Variants in NSUN2 observed in about 807,000 individuals in gnomAD.
NSUN2 encodes the protein NOP2/Sun RNA methyltransferase 2, also known as RNA cytosine C(5)-methyltransferase NSUN2.
Under a neutral mutation model 92.7 loss-of-function variants are expected in NSUN2, and 63 were observed. The ratio of observed to expected loss-of-function variants is 0.68; its 90% CI spans 0.56 to 0.84. The LOEUF is 0.84. NSUN2 is among the 40% of genes least tolerant of loss of function. The probability of loss-of-function intolerance (pLI) is 0.00; values close to 1 mark genes in which losing one functional copy is unlikely to be tolerated. For synonymous variants in NSUN2, 356 were observed against 348.3 expected, an observed-to-expected ratio of 1.02 and a Z score of -0.25; for missense variants, 989 against 964.9, an observed-to-expected ratio of 1.02 and a Z score of -0.33.
At position 6,607,288 on chromosome 5, in the gene NSUN2, G is replaced by A; in HGVS notation, c.1420C>T (p.Pro474Ser). 6.2e-7 allele frequency: 1 copy of A among 1,614,158 alleles called. No individual in the cohort carries two copies. The highest frequency in any genetic ancestry group is 8.5e-7 in the Non-Finnish European group (1 of 1,180,022). Residue 474 changes from proline to serine, a missense_variant, in exon 13 of 19, where the codon CCG becomes TCG. Physicochemically the swap from Pro to Ser is moderately conservative, Grantham distance 74. Coordinates refer to ENST00000264670, the MANE Select transcript of NSUN2 (RefSeq NM_017755.6). ...GTGTCACCAGTTCCTGTGAATGACG[G>A]ACTTTCCAGCTTAGAGGGATCTGTG... ...KPTDPSKLES[P>S]SFTGTGDTEI...
At chr5:6,631,308 G>A (rs1411895529) in intron 3 of NSUN2, among the ~76,000 whole-genome samples, 2 of 152,166 alleles carry the variant, frequency 1.3e-5, no homozygotes, top group Non-Finnish European at 2.9e-5. Context: ...ACCGAGCCAT[G>A]AGGAATAGGT....
rs1027451618 is a variant in NSUN2 at position 6,599,319 on chromosome 5, T to G, written c.*607A>C. ...AAAAATTGTAAAGCACTCCATTCAA[T>G]AAAAGCACATAAGTCCCCCTCAATA... is the stretch of plus-strand genomic sequence containing the variant. On this transcript the variant is annotated 3_prime_UTR_variant, in exon 19 of 19. Transcript: ENST00000264670. 4 of 152,616 alleles carry G rather than the reference T, an allele frequency of 2.6e-5. No homozygotes were observed. The highest frequency in any genetic ancestry group is 9.7e-5 in the African/African-American group (4 of 41,434). 9.5% of individuals were successfully genotyped at this position (152,616 alleles called of 1,614,324 possible).
chr5:6,604,245 G>A lies in NSUN2; in HGVS notation c.1850C>T (p.Ser617Leu), dbSNP rs747841976. ...TTCCATTGATACAGTAATAATTCTT[G>A]AGTTAATAAATGGATACAATGTATA... ...GIYTLYPFIN[S>L]RIITVSMEDV... Residue 617 changes from serine to leucine, a missense_variant, in exon 17 of 19, where the codon TCA becomes TTA. This residue lies in a region of NSUN2 where 626 missense variants were observed against 602.3 expected (regional missense o/e 1.04). Transcript: ENST00000264670. 1.9e-6 allele frequency: 3 copies of A among 1,601,488 alleles called. No individual in the cohort carries two copies. Among genetic ancestry groups the A allele is most frequent in the Non-Finnish European group, 2.6e-6 (3 of 1,168,978 alleles).
chr5:6,603,058 G>A (rs574918295), intron 17 of NSUN2, among the ~76,000 whole-genome samples: 9 of 152,102 alleles, frequency 5.9e-5, no homozygotes, highest in Non-Finnish European at 1.3e-4. Context: ...AGTTTTAAAC[G>A]CAAGTAAGAA....
intron 11 of NSUN2, 81 bp from the exon 12 acceptor site, chr5:6,610,003 G>C: frequency 1.1e-6 from 1 of 917,090 alleles, no homozygotes; most frequent in Non-Finnish European, 1.6e-6. Context: ...CCGCAAAGAT[G>C]ATACAAGAGA....
rs2126504474 is a variant in NSUN2, at chr5:6,625,670, C to G, written c.360-1G>C. The G allele has an allele frequency of 8.7e-6, 14 of 1,610,932 alleles. No homozygotes were observed. The highest frequency in any genetic ancestry group is 1.2e-5 in the Non-Finnish European group (14 of 1,177,178). The stretch of plus-strand genomic sequence containing the variant: ...GTGCCAGGCAAGTTCTTCAGGATAC[C>G]TGACCAAAAAGAAAGCAAAACATTT... On this transcript the variant is annotated splice_acceptor_variant, in intron 3 of 18. Transcript: ENST00000264670. LOFTEE classifies it high-confidence loss of function.
At chr5:6,612,493 A>G (rs1259714203) in intron 9 of NSUN2, among the ~76,000 whole-genome samples, 1 of 152,234 alleles carries the variant, frequency 6.6e-6, no homozygotes, top group Non-Finnish European at 1.5e-5. Context: ...CAGTGACACA[A>G]TAAGAAGCTA....
intron 5 of NSUN2, among the ~76,000 whole-genome samples, chr5:6,622,881 G>T (rs1263231772): frequency 6.7e-6 from 1 of 149,458 alleles, no homozygotes; most frequent in South Asian, 2.1e-4. Flanking sequence ...AAAGAGCACA[G>T]AGTAATGCTT....
intron 11 of NSUN2, among the ~76,000 whole-genome samples, chr5:6,610,335 C>T (rs1736936306): frequency 6.6e-6 from 1 of 152,052 alleles, no homozygotes; most frequent in South Asian, 2.1e-4. Flanking sequence ...CCTTGGCCTC[C>T]CAAAGTGCTG....
At position 6,599,889 on chromosome 5, in the gene NSUN2, G is replaced by A. The variant is rs201896744; in HGVS notation, c.*37C>T. 5.2e-5 allele frequency: 83 copies of A among 1,587,838 alleles called. No homozygotes were observed. The highest frequency in any genetic ancestry group is 2.2e-4 in the Middle Eastern group (1 of 4,490). On this transcript the variant is annotated 3_prime_UTR_variant, in exon 19 of 19. Transcript: ENST00000264670. ...AGTGACCAGAAGAAGCCAGTTTTGC[G>A]TGTGAGGGGTGTGGGCCCCCGCTGC...
In NSUN2 at chr5:6,622,116, GA is replaced by G. The variant is rs1291152286; in HGVS notation, c.538-17del. The G allele has an allele frequency of 5.0e-6, 8 of 1,594,924 alleles. No homozygotes were observed. The highest frequency in any genetic ancestry group is 1.3e-5 in the African/African-American group (1 of 74,308). On this transcript the variant is annotated splice_polypyrimidine_tract_variant and intron_variant, in intron 5 of 18. Transcript: ENST00000264670. ...TATCTAAGATCTATTAACAAAGCAA[GA>G]AACTGTTTCATGTTTTTAAAAAACC...
chr5:6,608,801 G>T (rs1052166814), intron 12 of NSUN2, among the ~76,000 whole-genome samples: 1 of 152,196 alleles, frequency 6.6e-6, no homozygotes, highest in African/African-American at 2.4e-5. Context: ...TGTGACAAGC[G>T]CAAAGTCTAA....
intron 17 of NSUN2, among the ~76,000 whole-genome samples, chr5:6,603,021 T>C (rs374906147): frequency 2.6e-5 from 4 of 152,316 alleles, no homozygotes; most frequent in African/African-American, 9.6e-5. Flanking sequence ...AGAGCATGTT[T>C]TATATCCCAA....
chr5:6,614,094 G>GAAAAA (rs1491184285), intron 9 of NSUN2, among the ~76,000 whole-genome samples: 1 of 53,414 alleles, frequency 1.9e-5, no homozygotes, highest in Admixed American at 2.3e-4. Context: ...AGACTGTCTC[G>GAAAAA]GAAAAAAAAA....
chr5:6,605,106 G>T, intron 15 of NSUN2, 167 bp downstream of exon 15: 2 of 883,950 alleles, frequency 2.3e-6, no homozygotes, highest in Non-Finnish European at 3.5e-6. Context: ...ATTCAGCCCT[G>T]TGTCAGTCAA....
chr5:6,610,989 G>A lies in NSUN2; in HGVS notation c.1192C>T (p.Pro398Ser). ...AGGTGCATGGCCTGCAGCTTTTCTG[G>A]GTCCTTCGGAGGGAACATGGTAGGT... Reference protein sequence around the residue: ...IRPTMFPPKDPEKLQAMHLER... With the variant: ...IRPTMFPPKDSEKLQAMHLER... Residue 398 changes from proline (P) to serine (S), a missense_variant, in exon 11 of 19, where the codon CCA (proline) becomes TCA (serine). By Grantham distance (74) the Pro-to-Ser change is moderately conservative. This residue lies in a region of NSUN2 where 626 missense variants were observed against 602.3 expected (regional missense o/e 1.04). Coordinates refer to ENST00000264670, the MANE Select transcript of NSUN2 (RefSeq NM_017755.6). 6.2e-7 allele frequency: 1 copy of A among 1,614,166 alleles called. No homozygotes were observed. Among genetic ancestry groups the A allele is most frequent in the Non-Finnish European group, 8.5e-7 (1 of 1,180,022 alleles).
chr5:6,602,750 GTCACCTGACAA>G (rs1736609764), intron 17 of NSUN2, among the ~76,000 whole-genome samples: 1 of 152,220 alleles, frequency 6.6e-6, no homozygotes, highest in African/African-American at 2.4e-5. Flanking sequence ...TTCAAGGGAT[GTCACCTGACAA>G]TCCACTCTGA....
intron 9 of NSUN2, among the ~76,000 whole-genome samples, chr5:6,614,863 C>G (rs1737147769): frequency 6.6e-6 from 1 of 152,112 alleles, no homozygotes; most frequent in Admixed American, 6.5e-5. Context: ...AAGAGTGACT[C>G]CAGCCACGAG....
chr5:6,618,063 G>A (rs1375965056), intron 7 of NSUN2, 39 bp from the exon 8 acceptor site: 2 of 1,392,418 alleles, frequency 1.4e-6, no homozygotes, highest in South Asian at 2.3e-5. Context: ...GCTCCCTACA[G>A]GTGGATGACT....
Sources: allele counts gnomAD v4.1 joint callset (sites outside exome capture counted in the v4.1 genomes callset), GRCh38; gene constraint gnomAD v4.1.1; regional missense constraint gnomAD v4.1.1; transcripts MANE v1.5; gene names NCBI Gene and HGNC (gene_info 2026-07-23, HGNC 2026-07-21).